NR1H3: variants seen among roughly 807,000 people sequenced by gnomAD.
NR1H3 encodes nuclear receptor subfamily 1 group H member 3, also known as oxysterols receptor LXR-alpha.
In NR1H3, 19 loss-of-function variants were observed where a neutral mutation model predicts 48.1. That is an observed-to-expected ratio of 0.40 (90% CI 0.28 to 0.58). The LOEUF (loss-of-function observed/expected upper bound fraction) is 0.58. Among genes scored for constraint, NR1H3 ranks in the 20% least tolerant of loss-of-function variants. The pLI is 0.50. For synonymous variants in NR1H3, 232 were observed against 227.3 expected, an observed-to-expected ratio of 1.02 and a Z score of -0.19; for missense variants, 486 against 595.9, an observed-to-expected ratio of 0.82 and a Z score of 1.92.
At chr11:47,268,127 G>A in intron 8 of NR1H3, 101 bp downstream of exon 8, 2 of 1,147,220 alleles carry the variant, frequency 1.7e-6, no homozygotes, top group Non-Finnish European at 2.6e-6. Flanking sequence ...GGCTTGGGAG[G>A]GTGGAGGCAT....
chr11:47,255,537 TTCTTTTTCTTTCTTTCTTTCTTTC>T (rs758077882), upstream of NR1H3, among the ~76,000 whole-genome samples: 37 of 124,034 alleles, frequency 3.0e-4, no homozygotes, highest in South Asian at 1.7e-3. Flanking sequence ...CTTTCTTTCT[TTCTTTTTCTTTCTTTCTTTCTTTC>T]TTTCTTTCTT....
At chr11:47,255,591 T>TCTC (rs1565178611), upstream of NR1H3, among the ~76,000 whole-genome samples, 20 of 59,444 alleles carry the variant, frequency 3.4e-4, no homozygotes, top group African/African-American at 1.5e-3. Context: ...CTTTCTTTCT[T>TCTC]TCTTTCTCTC....
chr11:47,259,298 G>A (rs765584600), intron 2 of NR1H3, 39 bp downstream of exon 2: 23 of 1,613,544 alleles, frequency 1.4e-5, no homozygotes, highest in Middle Eastern at 1.6e-4. Context: ...AGCCCAGACC[G>A]CAGGCTCCAC....
Position 47,268,267 on chromosome 11 carries a change from C to G in NR1H3, c.1109C>G (p.Pro370Arg). 6.2e-7 allele frequency: 1 copy of G among 1,614,016 alleles called. No homozygotes were observed. Among genetic ancestry groups the G allele is most frequent in the Non-Finnish European group, 8.5e-7 (1 of 1,179,980 alleles). The part of the protein sequence containing the change: ...IAISIFSADR[P>R]NVQDQLQVER... Reference sequence around the variant, plus strand: ...CTCTCTTGGTGACCTATAGACCGGCCCAACGTGCAGGACCAGCTCCAGGTA... The same window carrying G: ...CTCTCTTGGTGACCTATAGACCGGCGCAACGTGCAGGACCAGCTCCAGGTA... The change falls in exon 9 of 10, where the codon CCC becomes CGC. Residue 370 changes from proline (P) to arginine (R), a missense_variant. By Grantham distance (103) the Pro-to-Arg change is moderately radical. Coordinates refer to ENST00000441012, the MANE Select transcript of NR1H3 (RefSeq NM_005693.4).
intron 1 of NR1H3, among the ~76,000 whole-genome samples, chr11:47,249,817 G>A (rs936639590): frequency 3.9e-5 from 6 of 152,240 alleles, no homozygotes; most frequent in South Asian, 2.1e-4. Context: ...GCTTGGCCTG[G>A]GCGCCGTGGC....
At chr11:47,254,572 TG>T (rs1233754484), upstream of NR1H3, among the ~76,000 whole-genome samples, 2 of 151,508 alleles carry the variant, frequency 1.3e-5, no homozygotes, top group African/African-American at 4.9e-5. Context: ...CAGACCAGGG[TG>T]GGGGCCTTGG....
Position 47,261,464 on chromosome 11 carries a change from T to C in NR1H3, c.708+15T>C, listed in dbSNP as rs1453112838. 2 of 1,612,614 alleles carry C rather than the reference T, an allele frequency of 1.2e-6. No homozygotes were observed. Among genetic ancestry groups the C allele is most frequent in the South Asian group, 2.2e-5 (2 of 91,054 alleles). On this transcript the variant is annotated intron_variant, in intron 5 of 9. Transcript: ENST00000441012. ...TTCGAGTCACGGTACTTGACACACC[T>C]GGGGAGAGGCGGCTGCGCCCAGATC... is the stretch of plus-strand genomic sequence containing the variant.
intron 3 of NR1H3, 150 bp downstream of exon 3, chr11:47,260,129 G>A: frequency 3.6e-6 from 3 of 827,240 alleles, no homozygotes; most frequent in Non-Finnish European, 5.5e-6. Flanking sequence ...ATCTAAGTGT[G>A]AATTTTGTCT....
chr11:47,261,348 C>T lies in NR1H3; in HGVS notation c.607C>T (p.Leu203=). ...CAGGGCTTCCTCACCCCCCCAAATC[C>T]TGCCCCAGCTCAGCCCGGAACAACT... ...PPRASSPPQI[L]PQLSPEQLGM... is the part of the protein sequence containing the mutation. Residue 203 remains leucine, a synonymous_variant, in exon 5 of 10, where the codon CTG becomes TTG. Transcript: ENST00000441012. 3 of 1,614,140 alleles carry T rather than the reference C, an allele frequency of 1.9e-6. No individual in the cohort carries two copies. The highest frequency in any genetic ancestry group is 2.5e-6 in the Non-Finnish European group (3 of 1,180,028).
At chr11:47,265,753 TC>T (rs552116155) in intron 7 of NR1H3, among the ~76,000 whole-genome samples, 242 of 152,166 alleles carry the variant, frequency 1.6e-3, no homozygotes, top group African/African-American at 5.8e-3. Context: ...GCACCAGTAG[TC>T]CCAGCTACTC....
chr11:47,257,874 C>T (rs1955352704), upstream of NR1H3: 1 of 984,858 alleles, frequency 1.0e-6, no homozygotes, highest in South Asian at 4.7e-5. Context: ...GAGAAGCTGC[C>T]CTGTGGGCGG....
chr11:47,264,015 C>G (rs1000525056), intron 7 of NR1H3, among the ~76,000 whole-genome samples: 1 of 152,224 alleles, frequency 6.6e-6, no homozygotes, highest in African/African-American at 2.4e-5. Context: ...CATCCTATAT[C>G]TGAAGTATTT....
chr11:47,260,906 G>A (rs1691686601), intron 4 of NR1H3, among the ~76,000 whole-genome samples: 1 of 152,062 alleles, frequency 6.6e-6, no homozygotes, highest in Non-Finnish European at 1.5e-5. Flanking sequence ...CCAACATAGT[G>A]AAACCCCGAC....
chr11:47,248,492 T>C, upstream of NR1H3: 1 of 1,550,368 alleles, frequency 6.5e-7, no homozygotes. Context: ...CACCCCGACG[T>C]ATTCGGTCAT....
At chr11:47,255,539 CTTT>C (rs58304713), upstream of NR1H3, among the ~76,000 whole-genome samples, 2 of 110,482 alleles carry the variant, frequency 1.8e-5, no homozygotes, top group South Asian at 2.9e-4. Flanking sequence ...TTCTTTCTTT[CTTT>C]TTCTTTCTTT....
chr11:47,259,930 A>G lies in NR1H3; in HGVS notation c.183A>G (p.Ala61=), dbSNP rs768274845. 48 of 1,603,120 alleles carry G rather than the reference A, an allele frequency of 3.0e-5. No individual in the cohort carries two copies. Among genetic ancestry groups the G allele is most frequent in the Non-Finnish European group, 3.9e-5 (46 of 1,174,904 alleles). ...CTGCAGGGGTGGGGCTGGAGGCTGC[A>G]GAGCCCACAGCCCTGCTCACCAGGG... ...GGTAGVGLEA[A]EPTALLTRAE... is the part of the protein sequence containing the mutation. Residue 61 remains alanine (A), a synonymous_variant, in exon 3 of 10, where the codon GCA becomes GCG. Coordinates refer to ENST00000441012, the MANE Select transcript of NR1H3 (RefSeq NM_005693.4).
intron 7 of NR1H3, among the ~76,000 whole-genome samples, chr11:47,265,709 TA>T (rs1956394746): frequency 1.3e-5 from 2 of 152,086 alleles, no homozygotes; most frequent in Admixed American, 1.3e-4. Context: ...CTGTCTCTAC[TA>T]AAAATACAAA....
chr11:47,268,376 C>G, intron 9 of NR1H3, 21 bp downstream of exon 9: 7 of 1,609,260 alleles, frequency 4.3e-6, no homozygotes, highest in Non-Finnish European at 6.0e-6. Flanking sequence ...CCATGGTGTT[C>G]CTTTTCCTCC....
chr11:47,262,243 G>C (rs1268404921), intron 7 of NR1H3, among the ~76,000 whole-genome samples: 1 of 151,918 alleles, frequency 6.6e-6, no homozygotes, highest in East Asian at 2.0e-4. Flanking sequence ...GTCAGGCATG[G>C]TGGCACGCGC....
Sources: allele counts gnomAD v4.1 joint callset (sites outside exome capture counted in the v4.1 genomes callset), GRCh38; gene constraint gnomAD v4.1.1; transcripts MANE v1.5; gene names NCBI Gene and HGNC (gene_info 2026-07-23, HGNC 2026-07-21).